The following SMARCAD1 variants were observed in gnomAD, a reference collection of about 807,000 sequenced individuals.
SMARCAD1 encodes SNF2 related chromatin remodeling ATPase with DExD box 1, also known as SWI/SNF-related matrix-associated actin-dependent regulator of chromatin subfamily A containing DEAD/H box 1.
A neutral mutation model predicts 127.1 loss-of-function variants in SMARCAD1; 25 were observed. The observed-to-expected ratio is 0.20, with a 90% CI of 0.14 to 0.27. The LOEUF (loss-of-function observed/expected upper bound fraction) is 0.27, where lower values mean the gene tolerates loss of function less well. SMARCAD1 is among the 10% of genes least tolerant of loss of function. The probability of loss-of-function intolerance (pLI) is 1.00; values close to 1 mark genes in which losing one functional copy is unlikely to be tolerated. For missense variants in SMARCAD1, 807 were observed against 1,206.0 expected, an observed-to-expected ratio of 0.67 and a Z score of 4.90; for synonymous variants, 400 against 396.9, an observed-to-expected ratio of 1.01 and a Z score of -0.09.
intron 2 of SMARCAD1, among the ~76,000 whole-genome samples, chr4:94,213,430 C>T (rs1742613173): frequency 1.3e-5 from 2 of 152,064 alleles, no homozygotes; most frequent in Admixed American, 6.5e-5. Context: ...GATTATAGAA[C>T]AGGAGGTTTT....
intron 2 of SMARCAD1, among the ~76,000 whole-genome samples, chr4:94,218,272 T>C (rs1355494308): frequency 6.6e-6 from 1 of 152,008 alleles, no homozygotes; most frequent in Non-Finnish European, 1.5e-5. Context: ...ATGTTTTAAT[T>C]AATTAATTGT....
chr4:94,278,191 C>T lies in SMARCAD1; in HGVS notation c.2083-231C>T, dbSNP rs184375723. On this transcript the variant is annotated intron_variant, in intron 16 of 23. Coordinates refer to ENST00000354268, the MANE Select transcript of SMARCAD1 (RefSeq NM_020159.5). ...CATCTGGTACAGTTCAAATTGATTACTTCAGTAGAGAACATGATTACGTAT... is the reference window on the plus strand; with the variant it reads ...CATCTGGTACAGTTCAAATTGATTATTTCAGTAGAGAACATGATTACGTAT... Among the ~76,000 whole-genome samples the T allele has an allele frequency of 9.8e-5, 15 of 152,298 alleles. No homozygotes were observed. In the East Asian group the frequency reaches 2.9e-3, roughly 29 times the overall value.
chr4:94,284,815 A>C (rs1754699347), intron 22 of SMARCAD1, 145 bp from the exon 23 acceptor site: 2 of 597,546 alleles, frequency 3.3e-6, no homozygotes, highest in African/African-American at 1.9e-5. Flanking sequence ...AGAAAATGTC[A>C]GTCTCAAGTG....
At position 94,281,462 on chromosome 4, in the gene SMARCAD1, A is replaced by G; in HGVS notation, c.2608-10A>G. On this transcript the variant is annotated splice_polypyrimidine_tract_variant and intron_variant, in intron 20 of 23. Transcript: ENST00000354268. ...TTTTCTATTTCTAATTCATGTATGT[A>G]TTTTCACAGGGTGATAGAGTTGTGT... 2 of 1,564,186 alleles carry G rather than the reference A, an allele frequency of 1.3e-6. No homozygotes were observed. The highest frequency in any genetic ancestry group is 1.8e-6 in the Non-Finnish European group (2 of 1,134,902).
intron 10 of SMARCAD1, among the ~76,000 whole-genome samples, chr4:94,268,629 G>A (rs1290163063): frequency 6.6e-6 from 1 of 152,104 alleles, no homozygotes; most frequent in Non-Finnish European, 1.5e-5. Flanking sequence ...GTTAAGTGCT[G>A]AGCTCTGGAT....
At chr4:94,231,905 A>G (rs748275172) in intron 3 of SMARCAD1, among the ~76,000 whole-genome samples, 17 of 151,876 alleles carry the variant, frequency 1.1e-4, no homozygotes, top group Non-Finnish European at 2.4e-4. Context: ...TCTGTTACCC[A>G]GGCTGGAGTG....
At chr4:94,276,202 C>A in intron 14 of SMARCAD1, 137 bp from the exon 15 acceptor site, 1 of 800,748 alleles carries the variant, frequency 1.2e-6, no homozygotes. Flanking sequence ...TGAGTATCAC[C>A]CGTGTCTAGT....
intron 2 of SMARCAD1, among the ~76,000 whole-genome samples, chr4:94,216,402 CTA>C (rs1037954621): frequency 1.3e-5 from 2 of 152,180 alleles, no homozygotes; most frequent in African/African-American, 4.8e-5. Flanking sequence ...CATTACCACA[CTA>C]TAAATATACT....
chr4:94,262,624 T>C (rs1031920311), intron 9 of SMARCAD1, among the ~76,000 whole-genome samples: 8 of 152,210 alleles, frequency 5.3e-5, no homozygotes, highest in African/African-American at 1.9e-4. Flanking sequence ...ACTTGTCTGT[T>C]GCTTCTCTAG....
chr4:94,253,091 C>G lies in SMARCAD1; in HGVS notation c.1281+84C>G, dbSNP rs1354073529. The G allele has an allele frequency of 1.5e-5, 24 of 1,593,798 alleles. No homozygotes were observed. The East Asian group carries it at 5.1e-4, about 34-fold the overall frequency. ...GGTTATAGTCAAGTTGTCTTCAGCC[C>G]AGGTAAGCATAGATGGGTGGCCTTA... On this transcript the variant is annotated intron_variant, in intron 9 of 23. Coordinates refer to ENST00000354268, the MANE Select transcript of SMARCAD1 (RefSeq NM_020159.5).
chr4:94,243,248 A>T (rs569227130), intron 6 of SMARCAD1, among the ~76,000 whole-genome samples: 5 of 152,358 alleles, frequency 3.3e-5, no homozygotes, highest in Admixed American at 2.6e-4. Flanking sequence ...CTATCAGGTC[A>T]TAAAGAATTT....
At chr4:94,273,281 A>G (rs1257968927) in intron 11 of SMARCAD1, among the ~76,000 whole-genome samples, 1 of 152,230 alleles carries the variant, frequency 6.6e-6, no homozygotes, top group Non-Finnish European at 1.5e-5. Flanking sequence ...CCCTTAAACC[A>G]TTCAGTGGAT....
At chr4:94,286,260 C>T (rs1371725187) in intron 23 of SMARCAD1, among the ~76,000 whole-genome samples, 1 of 152,152 alleles carries the variant, frequency 6.6e-6, no homozygotes, top group Non-Finnish European at 1.5e-5. Context: ...CTGTTTTCAG[C>T]AGCCTCTTTC....
At chr4:94,247,905 C>T (rs560316826) in intron 6 of SMARCAD1, among the ~76,000 whole-genome samples, 5 of 152,052 alleles carry the variant, frequency 3.3e-5, no homozygotes, top group South Asian at 2.1e-4. Flanking sequence ...ACGTATATTG[C>T]GTGATGCTGA....
intron 2 of SMARCAD1, among the ~76,000 whole-genome samples, chr4:94,223,918 T>G (rs376995554): frequency 2.0e-3 from 297 of 152,142 alleles, no homozygotes; most frequent in Admixed American, 5.3e-3. Context: ...AGTAGGACTT[T>G]ATTGTTAAAG....
intron 2 of SMARCAD1, among the ~76,000 whole-genome samples, chr4:94,214,511 C>G (rs1742836738): frequency 6.6e-6 from 1 of 151,940 alleles, no homozygotes; most frequent in Non-Finnish European, 1.5e-5. Flanking sequence ...TGAGATCTGC[C>G]CGCCTCGGCC....
In SMARCAD1 at chr4:94,270,686, G is replaced by T. The variant is rs767503782; in HGVS notation, c.1482-42G>T. On this transcript the variant is annotated intron_variant, in intron 10 of 23. Coordinates refer to ENST00000354268, the MANE Select transcript of SMARCAD1 (RefSeq NM_020159.5). ...TGTAATAACTAATAGAAAACTGATA[G>T]AAATATAGATGTGTAATATTTGGTA... 12 of 1,520,770 alleles carry T rather than the reference G, an allele frequency of 7.9e-6. No individual in the cohort carries two copies. In the South Asian group the frequency reaches 9.0e-5, roughly 11 times the overall value. 94.2% of individuals were successfully genotyped at this position (1,520,770 alleles called of 1,614,324 possible). A position where few individuals can be genotyped will look rare whatever the true frequency, so the allele number is the denominator to read the frequency against.
chr4:94,277,452 G>T (rs1386198933), intron 16 of SMARCAD1, among the ~76,000 whole-genome samples: 1 of 152,154 alleles, frequency 6.6e-6, no homozygotes, highest in Non-Finnish European at 1.5e-5. Context: ...CGGAAAGTTT[G>T]ATCATTACAT....
intron 9 of SMARCAD1, among the ~76,000 whole-genome samples, chr4:94,257,880 C>A (rs1454697942): frequency 6.6e-6 from 1 of 152,094 alleles, no homozygotes; most frequent in East Asian, 1.9e-4. Flanking sequence ...TTCTCACTGT[C>A]TACCTCACTT....
Sources: allele counts gnomAD v4.1 joint callset (sites outside exome capture counted in the v4.1 genomes callset), GRCh38; gene constraint gnomAD v4.1.1; transcripts MANE v1.5; gene names NCBI Gene and HGNC (gene_info 2026-07-23, HGNC 2026-07-21).